FSHR: variants seen among roughly 807,000 people sequenced by gnomAD.
FSHR encodes follicle stimulating hormone receptor, also known as follicle-stimulating hormone receptor.
A neutral mutation model predicts 52.1 loss-of-function variants in FSHR; 46 were observed. The observed-to-expected ratio is 0.88, with a 90% CI of 0.70 to 1.13. The LOEUF is 1.13. FSHR is among the 50% of genes most tolerant of loss of function. FSHR has a pLI of 0.00. For missense variants in FSHR, 964 were observed against 834.6 expected (o/e 1.16, Z -1.91); for synonymous variants, 399 against 309.6 (o/e 1.29, Z -3.03).
intron 2 of FSHR, among the ~76,000 whole-genome samples, chr2:49,023,435 G>A (rs968496328): frequency 6.6e-6 from 1 of 152,184 alleles, no homozygotes; most frequent in African/African-American, 2.4e-5. Flanking sequence ...AGGAGATGAA[G>A]TTTGTGGCAT....
At chr2:49,097,247 A>G (rs1317954549) in intron 1 of FSHR, among the ~76,000 whole-genome samples, 2 of 151,134 alleles carry the variant, frequency 1.3e-5, no homozygotes, top group African/African-American at 4.9e-5. Context: ...ATTTCTTTGA[A>G]TTTTTTTTCA....
chr2:49,143,051 T>C (rs1317663037), intron 1 of FSHR, among the ~76,000 whole-genome samples: 1 of 152,142 alleles, frequency 6.6e-6, no homozygotes, highest in Non-Finnish European at 1.5e-5. Flanking sequence ...CAGTCAGAAA[T>C]GGCACACATA....
intron 1 of FSHR, among the ~76,000 whole-genome samples, chr2:49,132,972 A>T (rs1218909826): frequency 1.1e-5 from 1 of 94,580 alleles, no homozygotes; most frequent in African/African-American, 4.6e-5. Context: ...ACTCAGTAAA[A>T]AAAAAAAAAA....
At chr2:48,977,963 C>T (rs1488157977) in intron 8 of FSHR, among the ~76,000 whole-genome samples, 1 of 152,148 alleles carries the variant, frequency 6.6e-6, no homozygotes, top group Non-Finnish European at 1.5e-5. Flanking sequence ...AAAAATATCA[C>T]TTTTAACGTT....
chr2:48,968,923 A>G (rs1674606356), intron 8 of FSHR, 40 bp from the exon 9 acceptor site: 1 of 1,586,842 alleles, frequency 6.3e-7, no homozygotes, highest in Non-Finnish European at 8.6e-7. Context: ...ATTACTATGG[A>G]CCTAAAACTT....
chr2:49,135,913 G>A (rs1200339721), intron 1 of FSHR, among the ~76,000 whole-genome samples: 2 of 152,096 alleles, frequency 1.3e-5, no homozygotes, highest in Non-Finnish European at 2.9e-5. Context: ...TCTTCACATT[G>A]AGTAGGCTGA....
intron 2 of FSHR, among the ~76,000 whole-genome samples, chr2:49,022,515 A>G (rs1308342377): frequency 6.6e-6 from 1 of 151,994 alleles, no homozygotes; most frequent in Non-Finnish European, 1.5e-5. Flanking sequence ...TTACTATTAT[A>G]ATTTATTGGG....
At chr2:48,995,121 T>A (rs931690127) in intron 4 of FSHR, among the ~76,000 whole-genome samples, 1 of 152,162 alleles carries the variant, frequency 6.6e-6, no homozygotes, top group African/African-American at 2.4e-5. Flanking sequence ...TATTTTTTCT[T>A]GAGTTAACAG....
At chr2:49,122,662 A>G (rs562711979) in intron 1 of FSHR, among the ~76,000 whole-genome samples, 9 of 152,308 alleles carry the variant, frequency 5.9e-5, no homozygotes, top group East Asian at 5.8e-4. Flanking sequence ...ACACTCCAGA[A>G]ACATGATTTC....
chr2:48,976,398 T>C (rs544819240), intron 8 of FSHR, among the ~76,000 whole-genome samples: 36 of 152,344 alleles, frequency 2.4e-4, no homozygotes, highest in Non-Finnish European at 3.4e-4. Flanking sequence ...CAGTATTTCA[T>C]TGAGGATTTT....
In FSHR at chr2:49,148,474, G is replaced by A. The variant is rs1013890186; in HGVS notation, c.152+5792C>T. Reference sequence around the variant, plus strand: ...CAGATGTAATTCCTCCTGATTTATCGAATCATTTGTACTACCTGTAATTGA... The same window carrying A: ...CAGATGTAATTCCTCCTGATTTATCAAATCATTTGTACTACCTGTAATTGA... On this transcript the variant is annotated intron_variant, in intron 1 of 9. Coordinates refer to ENST00000406846, the MANE Select transcript of FSHR (RefSeq NM_000145.4). 3.3e-5 allele frequency among the ~76,000 whole-genome samples: 5 copies of A among 152,106 alleles called. No individual in the cohort carries two copies. In the East Asian group the frequency reaches 5.8e-4, roughly 18 times the overall value.
At chr2:49,056,203 A>AT (rs955578094) in intron 2 of FSHR, among the ~76,000 whole-genome samples, 3 of 151,912 alleles carry the variant, frequency 2.0e-5, no homozygotes, top group Non-Finnish European at 2.9e-5. Context: ...GGTGAAATAG[A>AT]TTTTTTTAAA....
chr2:49,103,684 A>G (rs184087088), intron 1 of FSHR, among the ~76,000 whole-genome samples: 4 of 152,268 alleles, frequency 2.6e-5, no homozygotes, highest in Non-Finnish European at 5.9e-5. Flanking sequence ...AAATGGCAGG[A>G]AAGAGAGGGG....
At chr2:48,974,741 C>T (rs1573029155) in intron 8 of FSHR, among the ~76,000 whole-genome samples, 1 of 98,756 alleles carries the variant, frequency 1.0e-5, no homozygotes, top group East Asian at 2.8e-4. Flanking sequence ...AAGAAAATTC[C>T]ATAGAAATTT....
chr2:49,010,286 C>A (rs1452823700), intron 4 of FSHR, among the ~76,000 whole-genome samples: 1 of 135,518 alleles, frequency 7.4e-6, no homozygotes, highest in African/African-American at 2.7e-5. Flanking sequence ...TTGAGATAAT[C>A]ATGTGGTTTT....
intron 1 of FSHR, among the ~76,000 whole-genome samples, chr2:49,132,688 A>C (rs1029857255): frequency 6.6e-6 from 1 of 152,070 alleles, no homozygotes; most frequent in Non-Finnish European, 1.5e-5. Flanking sequence ...CTTTTGTTCA[A>C]GGGCACACCA....
intron 1 of FSHR, among the ~76,000 whole-genome samples, chr2:49,107,326 G>A (rs1014732615): frequency 6.6e-6 from 1 of 151,738 alleles, no homozygotes; most frequent in African/African-American, 2.4e-5. Context: ...GATCTCCTCT[G>A]GGCAAGTGCC....
At chr2:48,983,043 G>T (rs1261361904) in intron 7 of FSHR, 55 bp downstream of exon 7, 1 of 1,606,358 alleles carries the variant, frequency 6.2e-7, no homozygotes, top group African/African-American at 1.3e-5. Flanking sequence ...AAATATTGCT[G>T]TTGTAAGAGC....
At chr2:49,032,661 G>T (rs758253796) in intron 2 of FSHR, among the ~76,000 whole-genome samples, 2 of 152,198 alleles carry the variant, frequency 1.3e-5, no homozygotes, top group Non-Finnish European at 2.9e-5. Flanking sequence ...GTTTGCTAGT[G>T]AAGAATAATA....
Sources: allele counts gnomAD v4.1 joint callset (sites outside exome capture counted in the v4.1 genomes callset), GRCh38; gene constraint gnomAD v4.1.1; transcripts MANE v1.5; gene names NCBI Gene and HGNC (gene_info 2026-07-23, HGNC 2026-07-21).